PRDX4: variants seen among roughly 807,000 people sequenced by gnomAD.
PRDX4 encodes the protein peroxiredoxin-4.
In PRDX4, 12 loss-of-function variants were observed where a neutral mutation model predicts 20.5. That is an observed-to-expected ratio of 0.58 (90% CI 0.37 to 0.95). The LOEUF (loss-of-function observed/expected upper bound fraction) is 0.95, where lower values mean the gene tolerates loss of function less well. Among genes scored for constraint, PRDX4 ranks in the 40% least tolerant of loss-of-function variants. The pLI is 0.01. For missense variants in PRDX4, 180 were observed against 207.3 expected (o/e 0.87, Z 0.81); for synonymous variants, 99 against 87.5 (o/e 1.13, Z -0.73).
chrX:23,675,679 G>A (rs1481150865), intron 3 of PRDX4, among the ~76,000 whole-genome samples: 2 of 112,297 alleles, frequency 1.8e-5, no homozygotes, highest in East Asian at 2.8e-4. Context: ...TGTATCCACT[G>A]TGGACAAAAA....
chrX:23,683,588 A>G, intron 5 of PRDX4, 83 bp from the exon 6 acceptor site: 1 of 911,219 alleles, frequency 1.1e-6, no homozygotes, highest in African/African-American at 1.9e-5. Context: ...ATTCAGTTTC[A>G]TATAGAAACA....
At chrX:23,678,794 C>T (rs1928000502) in intron 3 of PRDX4, among the ~76,000 whole-genome samples, 1 of 110,820 alleles carries the variant, frequency 9.0e-6, no homozygotes, top group Non-Finnish European at 1.9e-5. Flanking sequence ...AAAACATTAG[C>T]CCAGTGGGAT....
Position 23,686,335 on chromosome X carries a change from A to G in PRDX4, c.816A>G (p.Ter272TrpextTer14). ...TGAAGTATTTCGATAAACTGAATTG[A>G]GAAATACTTCTTCAAGTTATGATGC... Reference protein sequence around the residue: ...GKLKYFDKLN* With the variant: ...GKLKYFDKLNW Residue 272 changes from the stop codon to tryptophan, a stop_lost, in exon 7 of 7, where the codon TGA becomes TGG. Coordinates refer to ENST00000379341, the MANE Select transcript of PRDX4 (RefSeq NM_006406.2). The G allele has an allele frequency of 8.5e-7, 1 of 1,172,050 alleles. No individual in the cohort carries two copies. The highest frequency in any genetic ancestry group is 1.1e-6 in the Non-Finnish European group (1 of 869,604).
At chrX:23,672,131 C>T (rs1040954820) in intron 2 of PRDX4, among the ~76,000 whole-genome samples, 4 of 111,261 alleles carry the variant, frequency 3.6e-5, no homozygotes, top group Non-Finnish European at 5.7e-5. Flanking sequence ...CGTGGTGGTA[C>T]GCGCCTGTAG....
At position 23,667,621 on chromosome X, in the gene PRDX4, C is replaced by G; in HGVS notation, c.51C>G (p.His17Gln). ...LAATTPDHGR[H>Q]RRLLLLPLLL... The stretch of plus-strand genomic sequence containing the variant: ...CGACAACTCCGGACCACGGCCGCCA[C>G]CGAAGGCTGCTTCTGCTGCCGCTAC... The change falls in exon 1 of 7, where the codon CAC becomes CAG. Residue 17 changes from histidine to glutamine, a missense_variant. Physicochemically the swap from His to Gln is conservative, Grantham distance 24 (BLOSUM62 0). Coordinates refer to ENST00000379341, the MANE Select transcript of PRDX4 (RefSeq NM_006406.2). The G allele has an allele frequency of 8.3e-7, 1 of 1,198,525 alleles. No homozygotes were observed. The highest frequency in any genetic ancestry group is 1.1e-6 in the Non-Finnish European group (1 of 889,110).
intron 1 of PRDX4, among the ~76,000 whole-genome samples, chrX:23,668,813 TG>T (rs1927782199): frequency 4.0e-5 from 1 of 25,148 alleles, no homozygotes; most frequent in African/African-American, 8.1e-5. Flanking sequence ...TGACTTAGGA[TG>T]GGTTGGTTGG....
intron 3 of PRDX4, among the ~76,000 whole-genome samples, chrX:23,676,174 G>C (rs1472293771): frequency 2.5e-5 from 2 of 81,294 alleles, no homozygotes; most frequent in East Asian, 7.3e-4. Flanking sequence ...AAAAGATTCA[G>C]AACTATTGGT....
intron 1 of PRDX4, chrX:23,671,265 T>C (rs1265593463): frequency 8.3e-6 from 2 of 241,950 alleles, no homozygotes; most frequent in African/African-American, 5.7e-5. Context: ...AGTTTTGAAG[T>C]GTTATAGAGC....
Position 23,675,852 on chromosome X carries a change from G to C in PRDX4, c.476+746G>C, listed in dbSNP as rs762850941. On this transcript the variant is annotated intron_variant, in intron 3 of 6. Coordinates refer to ENST00000379341, the MANE Select transcript of PRDX4 (RefSeq NM_006406.2). ...ATAAAGACCATTCAGAATTGGGCTG[G>C]GCACAGTGGCTCATGCCTCTAATCC... 3.6e-5 allele frequency among the ~76,000 whole-genome samples: 4 copies of C among 111,815 alleles called. No individual in the cohort carries two copies. The East Asian group carries it at 1.1e-3, about 31-fold the overall frequency.
chrX:23,674,248 A>G (rs1927901079), intron 2 of PRDX4, among the ~76,000 whole-genome samples: 1 of 112,081 alleles, frequency 8.9e-6, no homozygotes, highest in Admixed American at 9.6e-5. Context: ...TTGAAGACAA[A>G]CATATATATT....
chrX:23,683,207 T>C (rs1002162463), intron 5 of PRDX4, among the ~76,000 whole-genome samples: 1 of 111,079 alleles, frequency 9.0e-6, no homozygotes, highest in Non-Finnish European at 1.9e-5. Context: ...ACATTATATA[T>C]TCCTTTTAAA....
intron 2 of PRDX4, 128 bp downstream of exon 2, chrX:23,671,774 T>A: frequency 2.2e-6 from 1 of 463,115 alleles, no homozygotes; most frequent in Non-Finnish European, 3.6e-6. Context: ...GAAATGTATT[T>A]AAAAAGGTAA....
At chrX:23,675,138 A>G (rs370761714) in intron 3 of PRDX4, 32 bp downstream of exon 3, 46 of 1,209,876 alleles carry the variant, frequency 3.8e-5, no homozygotes, top group Non-Finnish European at 4.6e-5. Flanking sequence ...TCGTAGAAAA[A>G]AAAGAATGGA....
At chrX:23,672,589 A>G (rs1221442198) in intron 2 of PRDX4, among the ~76,000 whole-genome samples, 1 of 112,352 alleles carries the variant, frequency 8.9e-6, no homozygotes, top group East Asian at 2.8e-4. Flanking sequence ...TTCAAAATTC[A>G]TGAAAGTGAG....
rs776543546 is a variant in PRDX4, at chrX:23,675,051, A to G, written c.421A>G (p.Ile141Val). 2.3e-5 allele frequency: 28 copies of G among 1,209,979 alleles called. No individual in the cohort carries two copies. The Admixed American group carries it at 5.7e-4, about 25-fold the overall frequency. ...CGACAGACTTGAAGAATTCAGATCT[A>G]TAAATACTGAAGTGGTAGCATGCTC... is the stretch of plus-strand genomic sequence containing the variant. ...FGDRLEEFRS[I>V]NTEVVACSVD... Residue 141 changes from isoleucine (I) to valine (V), a missense_variant, in exon 3 of 7, where the codon ATA (isoleucine) becomes GTA (valine). Coordinates refer to ENST00000379341, the MANE Select transcript of PRDX4 (RefSeq NM_006406.2).
At chrX:23,668,995 G>C (rs1927789146) in intron 1 of PRDX4, among the ~76,000 whole-genome samples, 1 of 109,903 alleles carries the variant, frequency 9.1e-6, no homozygotes, top group Non-Finnish European at 1.9e-5. Flanking sequence ...GCGCGATCTC[G>C]GCTCACTGCA....
At chrX:23,685,821 G>GTTTTTTTTTTT (rs778108680) in intron 6 of PRDX4, among the ~76,000 whole-genome samples, 1 of 94,509 alleles carries the variant, frequency 1.1e-5, no homozygotes, top group Non-Finnish European at 2.2e-5. Context: ...TTTTTTTTTT[G>GTTTTTTTTTTT]TTTTTTTTTT....
chrX:23,684,691 A>C (rs1171723828), intron 6 of PRDX4, among the ~76,000 whole-genome samples: 1 of 110,216 alleles, frequency 9.1e-6, no homozygotes, highest in Non-Finnish European at 1.9e-5. Flanking sequence ...TGGTAGAGAC[A>C]GGGTTTCACC....
At chrX:23,685,029 G>A (rs1928157858) in intron 6 of PRDX4, among the ~76,000 whole-genome samples, 1 of 112,331 alleles carries the variant, frequency 8.9e-6, no homozygotes, top group South Asian at 3.7e-4. Flanking sequence ...GACCACCACA[G>A]TATGTGATAA....
Sources: gnomAD v4.1 joint callset for allele counts (sites outside exome capture counted in the v4.1 genomes callset) on GRCh38, gnomAD v4.1.1 for gene constraint, MANE v1.5 for transcripts, NCBI Gene and HGNC (gene_info 2026-07-23, HGNC 2026-07-21) for gene names.